The following ZNF710 variants were observed in gnomAD, a reference collection of about 807,000 sequenced individuals.
ZNF710 encodes the protein zinc finger protein 710.
Under a neutral mutation model 50.6 loss-of-function variants are expected in ZNF710, and 13 were observed. The observed-to-expected ratio is 0.26, with a 90% CI of 0.17 to 0.41. ZNF710 has a LOEUF of 0.41. Ranked by LOEUF, ZNF710 falls within the 10% of genes least tolerant of loss-of-function variation. The probability of loss-of-function intolerance (pLI) is 1.00; values close to 1 mark genes in which losing one functional copy is unlikely to be tolerated. For missense variants in ZNF710, 721 were observed against 936.6 expected (o/e 0.77, Z 3.01); for synonymous variants, 383 against 397.0 (o/e 0.96, Z 0.42).
chr15:90,014,530 A>AT (rs1898398175), intron 1 of ZNF710, among the ~76,000 whole-genome samples: 1 of 151,712 alleles, frequency 6.6e-6, no homozygotes, highest in African/African-American at 2.4e-5. Flanking sequence ...AAAAAAAAAA[A>AT]AGATGGCATT....
rs1900737910 is a variant in ZNF710 at position 90,082,147 on chromosome 15, GAGA to G, written c.*2321_*2323del. On this transcript the variant is annotated 3_prime_UTR_variant, in exon 5 of 5. Coordinates refer to ENST00000268154, the MANE Select transcript of ZNF710 (RefSeq NM_198526.4). Reference sequence around the variant, plus strand: ...TGTGTTTTTATGTTCCTGTTTAAAAGAGAAGTTTACTTAGCAATAATTATAAAT... The same window carrying G: ...TGTGTTTTTATGTTCCTGTTTAAAAGAGTTTACTTAGCAATAATTATAAAT... 6.6e-6 allele frequency: 1 copy of G among 152,212 alleles called. No homozygotes were observed. The allele number at this position is 152,212 out of a possible 1,614,324, so 9.4% of individuals were successfully genotyped here. A position where few individuals can be genotyped will look rare whatever the true frequency, so the allele number is the denominator to read the frequency against.
At chr15:90,028,192 A>G (rs1898834220) in intron 1 of ZNF710, among the ~76,000 whole-genome samples, 1 of 152,236 alleles carries the variant, frequency 6.6e-6, no homozygotes, top group Admixed American at 6.5e-5. Context: ...CTGAGATATA[A>G]TAGATGTTAA....
At chr15:90,070,095 T>C (rs771131636) in intron 2 of ZNF710, among the ~76,000 whole-genome samples, 6 of 152,192 alleles carry the variant, frequency 3.9e-5, no homozygotes, top group Admixed American at 3.3e-4. Flanking sequence ...CTATAGGGAG[T>C]TGGGGAGCTG....
intron 1 of ZNF710, among the ~76,000 whole-genome samples, chr15:90,065,581 G>A (rs1008326656): frequency 6.8e-6 from 1 of 147,254 alleles, no homozygotes; most frequent in Non-Finnish European, 1.5e-5. Flanking sequence ...CAGCAGGGTT[G>A]GGAAAAGGCT....
At chr15:90,026,318 G>A (rs557302945) in intron 1 of ZNF710, among the ~76,000 whole-genome samples, 1 of 148,186 alleles carries the variant, frequency 6.7e-6, no homozygotes, top group Non-Finnish European at 1.5e-5. Flanking sequence ...AGATACAGAG[G>A]AGATTTTAAA....
At chr15:90,045,241 C>A in intron 1 of ZNF710, 2 of 684,422 alleles carry the variant, frequency 2.9e-6, no homozygotes, top group Non-Finnish European at 3.6e-6. Flanking sequence ...TCCATGTTTG[C>A]CAGGCAGAAA....
intron 1 of ZNF710, among the ~76,000 whole-genome samples, chr15:90,061,145 T>A (rs999521006): frequency 1.3e-5 from 2 of 151,230 alleles, no homozygotes; most frequent in Admixed American, 1.3e-4. Flanking sequence ...GTTTGCTTGC[T>A]TGCTTTTTCT....
chr15:90,041,142 T>G (rs1463518913), intron 1 of ZNF710, among the ~76,000 whole-genome samples: 2 of 152,218 alleles, frequency 1.3e-5, no homozygotes, highest in Non-Finnish European at 2.9e-5. Context: ...AATTCTGTTT[T>G]TTTTTTCTAG....
chr15:90,076,411 A>G (rs1175213702), intron 4 of ZNF710: 1 of 152,262 alleles, frequency 6.6e-6, no homozygotes, highest in East Asian at 1.9e-4. Context: ...AACTGGGACC[A>G]TGAAGAGACT....
At chr15:90,061,956 G>T (rs369084585) in intron 1 of ZNF710, among the ~76,000 whole-genome samples, 25 of 152,184 alleles carry the variant, frequency 1.6e-4, no homozygotes, top group African/African-American at 4.8e-4. Context: ...GTCCCTGCTT[G>T]GGTGGGGAAG....
In ZNF710 at chr15:90,067,853, C is replaced by T; in HGVS notation, c.716C>T (p.Pro239Leu). Residue 239 changes from proline (P) to leucine (L), a missense_variant, in exon 2 of 5, where the codon CCT (proline) becomes CTT (leucine). Coordinates refer to ENST00000268154, the MANE Select transcript of ZNF710 (RefSeq NM_198526.4). The surrounding 1 kb of genome is among the most constrained non-coding windows in gnomAD (Gnocchi z 8.1). The part of the protein sequence containing the change: ...PEAPSMESPE[P>L]VKPEQGFVWQ... ...GCCCCCAGCATGGAGTCCCCGGAGCCTGTCAAGCCGGAACAGGGCTTCGTG... is the reference window on the plus strand; with the variant it reads ...GCCCCCAGCATGGAGTCCCCGGAGCTTGTCAAGCCGGAACAGGGCTTCGTG... 4 of 1,602,452 alleles carry T rather than the reference C, an allele frequency of 2.5e-6. No individual in the cohort carries two copies. Among genetic ancestry groups the T allele is most frequent in the Non-Finnish European group, 3.4e-6 (4 of 1,172,614 alleles).
At chr15:90,019,876 A>G (rs1041297338) in intron 1 of ZNF710, among the ~76,000 whole-genome samples, 2 of 152,170 alleles carry the variant, frequency 1.3e-5, no homozygotes, top group Non-Finnish European at 2.9e-5. Context: ...CAGAGAACTT[A>G]GGCTGGTCTT....
chr15:90,030,024 C>T (rs1898886186), intron 1 of ZNF710, among the ~76,000 whole-genome samples: 1 of 152,008 alleles, frequency 6.6e-6, no homozygotes, highest in Admixed American at 6.5e-5. Context: ...TTAATTTTCA[C>T]AACAGCCATT....
intron 1 of ZNF710, among the ~76,000 whole-genome samples, chr15:90,014,800 A>G (rs1243754096): frequency 6.6e-6 from 1 of 152,026 alleles, no homozygotes; most frequent in Non-Finnish European, 1.5e-5. Context: ...TTGGGAAAGC[A>G]TTTTTGCAAC....
Position 90,025,899 on chromosome 15 carries a change from GA to G in ZNF710, c.-29+24288del, listed in dbSNP as rs1275179148. The G allele has an allele frequency of 2.0e-5, 3 of 152,230 alleles. No homozygotes were observed. The East Asian group carries it at 5.8e-4, about 29-fold the overall frequency. The allele number at this position is 152,230 out of a possible 1,614,324, so 9.4% of individuals were successfully genotyped here. Reference sequence around the variant, plus strand: ...TAAAGAATGTACTGACAAATATTTAGAAAGCATTGAAAACTAGAATGCCACA... The same window carrying G: ...TAAAGAATGTACTGACAAATATTTAGAAGCATTGAAAACTAGAATGCCACA... On this transcript the variant is annotated intron_variant, in intron 1 of 4. Transcript: ENST00000268154.
At chr15:90,000,236 T>C (rs904245390), upstream of ZNF710, among the ~76,000 whole-genome samples, 16 of 152,174 alleles carry the variant, frequency 1.1e-4, no homozygotes, top group African/African-American at 2.9e-4. Flanking sequence ...CCATGAATAA[T>C]TGACCCTTCC....
At position 90,067,838 on chromosome 15, in the gene ZNF710, T is replaced by G. The variant is rs773472775; in HGVS notation, c.701T>G (p.Met234Arg). 3 of 1,593,782 alleles carry G rather than the reference T, an allele frequency of 1.9e-6. No homozygotes were observed. Among genetic ancestry groups the G allele is most frequent in the Admixed American group, 3.4e-5 (2 of 59,054 alleles). ...APLSDPEAPS[M>R]ESPEPVKPEQ... ...CTGAGTGACCCCGAGGCCCCCAGCA[T>G]GGAGTCCCCGGAGCCTGTCAAGCCG... The change falls in exon 2 of 5, where the codon ATG (methionine) becomes AGG (arginine). Residue 234 changes from methionine to arginine, a missense_variant. Met to Arg is a moderately conservative substitution (Grantham distance 91). Around this residue, in one of 3 missense-constraint regions of ZNF710, gnomAD observed 326 missense variants for 347.1 expected, o/e 0.94. Transcript: ENST00000268154. This position sits in a 1 kb window ranked among gnomAD's most constrained non-coding sequence, Gnocchi z 8.1.
At chr15:90,074,895 TCA>T in intron 4 of ZNF710, 1 of 260,752 alleles carries the variant, frequency 3.8e-6, no homozygotes, top group Non-Finnish European at 7.4e-6. Flanking sequence ...TGTCAATCAG[TCA>T]CACTCTTCAC....
At chr15:90,046,271 C>G (rs10162895) in intron 1 of ZNF710, among the ~76,000 whole-genome samples, 33 of 152,316 alleles carry the variant, frequency 2.2e-4, no homozygotes, top group Non-Finnish European at 2.9e-4. Flanking sequence ...GCGTACCCAG[C>G]TCAGTGCCCA....
Sources: allele counts gnomAD v4.1 joint callset (sites outside exome capture counted in the v4.1 genomes callset), GRCh38; gene constraint gnomAD v4.1.1; regional missense constraint gnomAD v4.1.1; non-coding constraint Gnocchi (gnomAD v3.1); transcripts MANE v1.5; gene names NCBI Gene and HGNC (gene_info 2026-07-23, HGNC 2026-07-21).